The following FAM81A variants were observed in gnomAD, a reference collection of about 807,000 sequenced individuals.
The protein encoded by FAM81A is protein FAM81A.
Under a neutral mutation model 46.7 loss-of-function variants are expected in FAM81A, and 19 were observed. That is an observed-to-expected ratio of 0.41 (90% CI 0.28 to 0.60). The LOEUF (loss-of-function observed/expected upper bound fraction) is 0.60, where lower values mean the gene tolerates loss of function less well. Among genes scored for constraint, FAM81A ranks in the 20% least tolerant of loss-of-function variants. The probability of loss-of-function intolerance (pLI) is 0.34; values close to 1 mark genes in which losing one functional copy is unlikely to be tolerated. For missense variants in FAM81A, 377 were observed against 453.5 expected (o/e 0.83, Z 1.53); for synonymous variants, 183 against 152.9 (o/e 1.20, Z -1.45).
chr15:59,477,124 A>G (rs2141698858), intron 3 of FAM81A, among the ~76,000 whole-genome samples: 1 of 152,032 alleles, frequency 6.6e-6, no homozygotes, highest in African/African-American at 2.4e-5. Flanking sequence ...TGACTCAAAA[A>G]AAAAAAAAGC....
At chr15:59,445,448 C>T (rs1211788870) in intron 1 of FAM81A, 4 of 152,120 alleles carry the variant, frequency 2.6e-5, no homozygotes, top group Non-Finnish European at 4.4e-5. Flanking sequence ...TTTTTTCCCC[C>T]ATTTTTAATT....
At chr15:59,426,004 T>A (rs542479322) in intron 2 of FAM81A, among the ~76,000 whole-genome samples, 2 of 152,372 alleles carry the variant, frequency 1.3e-5, no homozygotes, top group East Asian at 1.9e-4. Flanking sequence ...AAAATATATT[T>A]GGAACAATTT....
intron 3 of FAM81A, among the ~76,000 whole-genome samples, chr15:59,485,497 A>G (rs893511822): frequency 1.3e-5 from 2 of 152,210 alleles, no homozygotes; most frequent in African/African-American, 2.4e-5. Context: ...AATCTTCTGG[A>G]TTTTATCCAA....
At chr15:59,416,196 G>C (rs187614427) in intron 2 of FAM81A, among the ~76,000 whole-genome samples, 3 of 152,186 alleles carry the variant, frequency 2.0e-5, no homozygotes, top group African/African-American at 4.8e-5. Context: ...AAGTGAAAGG[G>C]TGCAGGACAT....
In FAM81A at chr15:59,511,534, C is replaced by A. The variant is rs1344475801; in HGVS notation, c.650+2565C>A. 3.9e-5 allele frequency among the ~76,000 whole-genome samples: 6 copies of A among 152,214 alleles called. 1 individual carries two copies. The highest frequency in any genetic ancestry group is 3.3e-4 in the Admixed American group (5 of 15,286). On this transcript the variant is annotated intron_variant, in intron 6 of 8. Coordinates refer to ENST00000288228, the MANE Select transcript of FAM81A (RefSeq NM_152450.3). Reference sequence around the variant, plus strand: ...AGTAAAATGTGAAGTAGTACAACCACTCTAGAAAACAGTCTGGTGTTTTCT... The same window carrying A: ...AGTAAAATGTGAAGTAGTACAACCAATCTAGAAAACAGTCTGGTGTTTTCT...
intron 2 of FAM81A, among the ~76,000 whole-genome samples, chr15:59,418,798 C>CT (rs2141548949): frequency 6.6e-6 from 1 of 152,246 alleles, no homozygotes; most frequent in East Asian, 1.9e-4. Context: ...ATCTGAGCCC[C>CT]AGTTTCCTTT....
intron 3 of FAM81A, among the ~76,000 whole-genome samples, chr15:59,470,050 G>C (rs1224228628): frequency 1.3e-5 from 2 of 152,130 alleles, no homozygotes; most frequent in Non-Finnish European, 2.9e-5. Context: ...CTCTCTTCTG[G>C]CTTATAGGGT....
chr15:59,406,337 T>TA (rs2081094762), intron 2 of FAM81A, among the ~76,000 whole-genome samples: 1 of 152,222 alleles, frequency 6.6e-6, no homozygotes, highest in Non-Finnish European at 1.5e-5. Flanking sequence ...ATCACCCACT[T>TA]ACAGATGAGG....
At chr15:59,421,911 CT>C (rs1230534661) in intron 2 of FAM81A, among the ~76,000 whole-genome samples, 1 of 128,166 alleles carries the variant, frequency 7.8e-6, no homozygotes, top group Admixed American at 7.7e-5. Context: ...ATCTATCTAT[CT>C]ATCTATCTAT....
intron 2 of FAM81A, among the ~76,000 whole-genome samples, chr15:59,417,775 AT>A (rs1208336979): frequency 6.6e-6 from 1 of 151,836 alleles, no homozygotes; most frequent in African/African-American, 2.4e-5. Flanking sequence ...TATCCCTTTT[AT>A]TTTTTTTATT....
intron 4 of FAM81A, among the ~76,000 whole-genome samples, chr15:59,502,972 C>G (rs2082110861): frequency 6.6e-6 from 1 of 151,862 alleles, no homozygotes; most frequent in Non-Finnish European, 1.5e-5. Context: ...AAAAATGAAG[C>G]CTGGCCAGGA....
intron 6 of FAM81A, among the ~76,000 whole-genome samples, chr15:59,513,833 C>A (rs1209771607): frequency 1.3e-5 from 2 of 152,096 alleles, no homozygotes; most frequent in Non-Finnish European, 2.9e-5. Flanking sequence ...ACCGAAATGT[C>A]CATCAATGAT....
chr15:59,472,094 G>C (rs767543985), intron 3 of FAM81A, among the ~76,000 whole-genome samples: 2 of 152,082 alleles, frequency 1.3e-5, no homozygotes, highest in African/African-American at 2.4e-5. Flanking sequence ...TAATAATCAG[G>C]TTGCCTTATC....
intron 2 of FAM81A, among the ~76,000 whole-genome samples, chr15:59,422,794 G>A (rs547575280): frequency 1.3e-5 from 2 of 152,286 alleles, no homozygotes; most frequent in South Asian, 2.1e-4. Flanking sequence ...TAGTTTCAAA[G>A]CATTTAAAAC....
At chr15:59,506,083 C>T (rs2082145834) in intron 4 of FAM81A, among the ~76,000 whole-genome samples, 1 of 152,130 alleles carries the variant, frequency 6.6e-6, no homozygotes, top group African/African-American at 2.4e-5. Context: ...ATCTGTAAGC[C>T]AGGCCTGACT....
intron 2 of FAM81A, among the ~76,000 whole-genome samples, chr15:59,419,584 A>AT (rs2081161830): frequency 1.3e-5 from 2 of 152,122 alleles, no homozygotes; most frequent in South Asian, 4.2e-4. Context: ...TTCTATTAAA[A>AT]AACAACAGGC....
intron 5 of FAM81A, among the ~76,000 whole-genome samples, chr15:59,508,216 A>T (rs1567075554): frequency 6.6e-6 from 1 of 152,262 alleles, no homozygotes; most frequent in Non-Finnish European, 1.5e-5. Context: ...AGGCCAAGTC[A>T]AATATGTACA....
At chr15:59,444,302 A>G (rs2081332076) in intron 1 of FAM81A, 2 of 152,172 alleles carry the variant, frequency 1.3e-5, no homozygotes, top group Admixed American at 1.3e-4. Flanking sequence ...GCCTTACCCG[A>G]AGAGTCAGGT....
chr15:59,477,067 C>T (rs2081780650), intron 3 of FAM81A, among the ~76,000 whole-genome samples: 1 of 151,678 alleles, frequency 6.6e-6, no homozygotes, highest in South Asian at 2.1e-4. Context: ...TTACAGTCAG[C>T]CGAGATCGTG....
Sources: allele counts gnomAD v4.1 joint callset (sites outside exome capture counted in the v4.1 genomes callset), GRCh38; gene constraint gnomAD v4.1.1; transcripts MANE v1.5; gene names NCBI Gene and HGNC (gene_info 2026-07-23, HGNC 2026-07-21).